NR2F1-AS1: variants seen among roughly 807,000 people sequenced by gnomAD.
NR2F1-AS1 encodes NR2F1 regulatory antisense RNA 1, also known as NR2F1 antisense RNA 1.
At chr5:93,560,285 G>A (rs1752457645) in intron 2 of NR2F1-AS1, among the ~76,000 whole-genome samples, 1 of 152,188 alleles carries the variant, frequency 6.6e-6, no homozygotes, top group Non-Finnish European at 1.5e-5. Context: ...GCAAGCTCAT[G>A]TAAGAACAAA....
chr5:93,540,419 C>G lies in NR2F1-AS1; in HGVS notation n.638+13342G>C, dbSNP rs549513500. On this transcript the variant is annotated intron_variant and non_coding_transcript_variant, in intron 4 of 5. Transcript: ENST00000660523. ...TCTTTGTATTTCAAGGGCTGTAGCT[C>G]ACTCTGCTTGCAAAGCCCATCATTC... Among the ~76,000 whole-genome samples, 52 of 152,280 alleles carry G rather than the reference C, an allele frequency of 3.4e-4. 1 individual carries two copies. In the South Asian group the frequency reaches 0.01, roughly 30 times the overall value.
intron 4 of NR2F1-AS1, among the ~76,000 whole-genome samples, chr5:93,527,724 C>T (rs1346088468): frequency 2.0e-5 from 3 of 152,092 alleles, no homozygotes; most frequent in Non-Finnish European, 4.4e-5. Flanking sequence ...TTTGACAAAC[C>T]TGACAAAAAC....
chr5:93,527,627 T>C lies in NR2F1-AS1; in HGVS notation n.638+26134A>G, dbSNP rs954023125. Among the ~76,000 whole-genome samples, 17 of 152,278 alleles carry C rather than the reference T, an allele frequency of 1.1e-4. No individual in the cohort carries two copies. In the East Asian group the frequency reaches 1.4e-3, roughly 12 times the overall value. On this transcript the variant is annotated intron_variant and non_coding_transcript_variant, in intron 4 of 5. Coordinates refer to ENST00000660523, the Ensembl canonical transcript of NR2F1-AS1. ...CAAGGCTACAGTAACCAAAACAGCA[T>C]GGTACTGGTACCAAAACAGAGATAT... is the stretch of plus-strand genomic sequence containing the variant.
At chr5:93,480,557 A>G (rs1750579637) in intron 4 of NR2F1-AS1, among the ~76,000 whole-genome samples, 1 of 152,192 alleles carries the variant, frequency 6.6e-6, no homozygotes, top group East Asian at 1.9e-4. Context: ...ATACAATGAA[A>G]TAAAAGTCAC....
chr5:93,431,019 A>G (rs990623989), intron 4 of NR2F1-AS1, among the ~76,000 whole-genome samples: 6 of 152,138 alleles, frequency 3.9e-5, no homozygotes, highest in African/African-American at 1.4e-4. Flanking sequence ...GAGTCAGAGA[A>G]GGGAAATGTA....
chr5:93,540,129 C>T (rs1314778495), intron 4 of NR2F1-AS1, among the ~76,000 whole-genome samples: 2 of 152,162 alleles, frequency 1.3e-5, no homozygotes, highest in African/African-American at 4.8e-5. Flanking sequence ...TTAAAATCAT[C>T]ACCAGTATCA....
chr5:93,492,560 C>CT (rs1750874012), intron 4 of NR2F1-AS1, among the ~76,000 whole-genome samples: 1 of 152,110 alleles, frequency 6.6e-6, no homozygotes, highest in African/African-American at 2.4e-5. Flanking sequence ...CAGCATTACT[C>CT]TGATACTAAA....
intron 2 of NR2F1-AS1, among the ~76,000 whole-genome samples, chr5:93,555,510 T>A (rs1479308638): frequency 2.0e-5 from 3 of 152,178 alleles, no homozygotes; most frequent in African/African-American, 7.2e-5. Flanking sequence ...CGGAGATGAC[T>A]TATATGCTAA....
chr5:93,536,482 A>G (rs1005499052), intron 4 of NR2F1-AS1, among the ~76,000 whole-genome samples: 3 of 152,216 alleles, frequency 2.0e-5, no homozygotes, highest in Admixed American at 1.3e-4. Flanking sequence ...AGCAAAAGCA[A>G]TCCTTAGCAT....
intron 4 of NR2F1-AS1, among the ~76,000 whole-genome samples, chr5:93,532,237 A>G (rs1356133689): frequency 2.0e-5 from 3 of 152,150 alleles, no homozygotes; most frequent in Non-Finnish European, 4.4e-5. Context: ...ATACTTTGCA[A>G]CTAATTTTGC....
At chr5:93,508,245 A>C (rs928959588) in intron 4 of NR2F1-AS1, among the ~76,000 whole-genome samples, 1 of 152,210 alleles carries the variant, frequency 6.6e-6, no homozygotes, top group African/African-American at 2.4e-5. Context: ...AGATGGCATA[A>C]TATTGTCATA....
At chr5:93,568,095 T>C (rs1349839129) in intron 1 of NR2F1-AS1, among the ~76,000 whole-genome samples, 1 of 152,214 alleles carries the variant, frequency 6.6e-6, no homozygotes. Context: ...TTAAGATATA[T>C]GTTACTTCCT....
At chr5:93,433,980 G>A (rs1209010415) in intron 4 of NR2F1-AS1, among the ~76,000 whole-genome samples, 2 of 152,028 alleles carry the variant, frequency 1.3e-5, no homozygotes, top group African/African-American at 2.4e-5. Flanking sequence ...GCCAAGTGTA[G>A]ACTTTGCCTT....
intron 4 of NR2F1-AS1, chr5:93,410,253 C>A (rs1748825777): frequency 6.6e-6 from 1 of 152,150 alleles, no homozygotes; most frequent in African/African-American, 2.4e-5. Flanking sequence ...GATTTTGTTC[C>A]ATCCCTATCC....
intron 4 of NR2F1-AS1, among the ~76,000 whole-genome samples, chr5:93,469,327 G>A (rs1750316296): frequency 6.6e-6 from 1 of 152,020 alleles, no homozygotes; most frequent in Non-Finnish European, 1.5e-5. Flanking sequence ...TAATGCAATG[G>A]TATCTGTGTA....
chr5:93,432,482 G>GTAC (rs1363090611), intron 4 of NR2F1-AS1: 1 of 152,014 alleles, frequency 6.6e-6, no homozygotes, highest in African/African-American at 2.4e-5. Flanking sequence ...ACACATAGAG[G>GTAC]GTACCTAAGT....
chr5:93,514,062 T>A (rs1751354061), intron 4 of NR2F1-AS1, among the ~76,000 whole-genome samples: 1 of 152,068 alleles, frequency 6.6e-6, no homozygotes, highest in Non-Finnish European at 1.5e-5. Flanking sequence ...ACAGTGTAGT[T>A]CAGTATATAA....
intron 4 of NR2F1-AS1, among the ~76,000 whole-genome samples, chr5:93,505,876 G>A (rs1303771066): frequency 1.3e-5 from 2 of 152,144 alleles, no homozygotes; most frequent in Non-Finnish European, 2.9e-5. Context: ...TTTTCCCCAC[G>A]GTCTTGGGGA....
At chr5:93,429,192 T>A (rs1406198469) in intron 4 of NR2F1-AS1, among the ~76,000 whole-genome samples, 2 of 152,060 alleles carry the variant, frequency 1.3e-5, no homozygotes, top group Admixed American at 1.3e-4. Flanking sequence ...ATGTATGTGG[T>A]TCTTTTACTT....
Sources: allele counts gnomAD v4.1 joint callset (sites outside exome capture counted in the v4.1 genomes callset), GRCh38; gene constraint gnomAD v4.1.1; transcripts MANE v1.5; gene names NCBI Gene and HGNC (gene_info 2026-07-23, HGNC 2026-07-21).